CAPZB: variants seen among roughly 807,000 people sequenced by gnomAD.
The protein encoded by CAPZB is capping actin protein of muscle Z-line subunit beta.
A neutral mutation model predicts 38.1 loss-of-function variants in CAPZB; 2 were observed. The ratio of observed to expected loss-of-function variants is 0.05; its 90% CI spans 0.02 to 0.17. The LOEUF (loss-of-function observed/expected upper bound fraction) is 0.17, where lower values mean the gene tolerates loss of function less well. Among genes scored for constraint, CAPZB ranks in the 10% least tolerant of loss-of-function variants. The probability of loss-of-function intolerance (pLI) is 1.00; values close to 1 mark genes in which losing one functional copy is unlikely to be tolerated. For missense variants in CAPZB, 161 were observed against 334.2 expected (o/e 0.48, Z 4.04); for synonymous variants, 107 against 127.4 (o/e 0.84, Z 1.08).
At chr1:19,422,828 C>T (rs147085182) in intron 1 of CAPZB, among the ~76,000 whole-genome samples, 3 of 150,598 alleles carry the variant, frequency 2.0e-5, no homozygotes, top group African/African-American at 4.8e-5. Context: ...TAGCAATCCT[C>T]CTTATAAATG....
chr1:19,343,564 G>A (rs1425521365), intron 8 of CAPZB, among the ~76,000 whole-genome samples: 3 of 152,232 alleles, frequency 2.0e-5, no homozygotes, highest in Admixed American at 6.5e-5. Flanking sequence ...GAGTGCCAGA[G>A]GCCATGCAGC....
chr1:19,457,660 A>G (rs920066059), intron 1 of CAPZB, among the ~76,000 whole-genome samples: 1 of 152,226 alleles, frequency 6.6e-6, no homozygotes, highest in East Asian at 1.9e-4. Flanking sequence ...GCCCAGTGTT[A>G]ACAAAGAAGC....
intron 1 of CAPZB, among the ~76,000 whole-genome samples, chr1:19,441,113 TGCAGAAA>T (rs1285928904): frequency 1.1e-4 from 16 of 152,214 alleles, no homozygotes; most frequent in African/African-American, 3.9e-4. Flanking sequence ...TAAAACCTTA[TGCAGAAA>T]GTCCACGAAA....
At chr1:19,344,671 C>T (rs1173202514) in intron 7 of CAPZB, among the ~76,000 whole-genome samples, 1 of 152,240 alleles carries the variant, frequency 6.6e-6, no homozygotes, top group Non-Finnish European at 1.5e-5. Context: ...CAGGGATTGG[C>T]GGCCAGCTCT....
At chr1:19,442,720 T>C (rs1280386146) in intron 1 of CAPZB, among the ~76,000 whole-genome samples, 1 of 151,948 alleles carries the variant, frequency 6.6e-6, no homozygotes, top group Non-Finnish European at 1.5e-5. Context: ...AAACACAGGG[T>C]CCTCAAAAAT....
chr1:19,432,521 A>G (rs1331167702), intron 1 of CAPZB, among the ~76,000 whole-genome samples: 1 of 152,264 alleles, frequency 6.6e-6, no homozygotes, highest in East Asian at 1.9e-4. Flanking sequence ...GATCTTTATT[A>G]AGAATACTAG....
chr1:19,367,049 C>A (rs1379401248), intron 4 of CAPZB, among the ~76,000 whole-genome samples: 2 of 152,240 alleles, frequency 1.3e-5, no homozygotes, highest in Non-Finnish European at 2.9e-5. Flanking sequence ...TTCCTTTTTG[C>A]TCTGCTGGCT....
chr1:19,351,413 TC>T (rs1343339674), intron 6 of CAPZB, among the ~76,000 whole-genome samples: 1 of 152,100 alleles, frequency 6.6e-6, no homozygotes, highest in Non-Finnish European at 1.5e-5. Context: ...GCTCAAGTGA[TC>T]CTCCCATCTC....
rs1396564571 is a variant in CAPZB, at chr1:19,366,305, T to TATATATATATATATATATATAA, written c.330-8743_330-8742insTTATATATATATATATATATAT. Among the ~76,000 whole-genome samples the TATATATATATATATATATATAA allele has an allele frequency of 7.5e-4, 73 of 97,570 alleles. 1 individual carries two copies. The highest frequency in any genetic ancestry group is 3.4e-3 in the African/African-American group (72 of 21,406). 64.0% of individuals were successfully genotyped at this position (97,570 alleles called of 152,430 possible). ...TAAAATATATATATATATATATATA[T>TATATATATATATATATATATAA]ATATAAATAAAATAAATGGTCATGA... On this transcript the variant is annotated intron_variant, in intron 4 of 8. Coordinates refer to ENST00000264202, the MANE Select transcript of CAPZB (RefSeq NM_004930.5).
At chr1:19,445,472 C>T (rs1278995237) in intron 1 of CAPZB, among the ~76,000 whole-genome samples, 1 of 152,026 alleles carries the variant, frequency 6.6e-6, no homozygotes, top group South Asian at 2.1e-4. Context: ...AACATAGGCT[C>T]TCTGTAGGAA....
At chr1:19,483,638 T>C (rs1231397408) in intron 1 of CAPZB, among the ~76,000 whole-genome samples, 5 of 152,222 alleles carry the variant, frequency 3.3e-5, no homozygotes, top group African/African-American at 1.2e-4. Flanking sequence ...CGCTGCTTCC[T>C]GCCTTATACT....
rs1198715472 is a variant in CAPZB, at chr1:19,357,147, G to A, written c.471+275C>T. Among the ~76,000 whole-genome samples, 3 of 152,122 alleles carry A rather than the reference G, an allele frequency of 2.0e-5. No homozygotes were observed. The highest frequency in any genetic ancestry group is 4.8e-5 in the African/African-American group (2 of 41,402). ...CCCAAACTGCTGGGATTACAGGCCCGAGCCACCGTACCTGGCCTCACAATA... is the reference window on the plus strand; with the variant it reads ...CCCAAACTGCTGGGATTACAGGCCCAAGCCACCGTACCTGGCCTCACAATA... On this transcript the variant is annotated intron_variant, in intron 5 of 8. Transcript: ENST00000264202. This position sits in a 1 kb window ranked among gnomAD's most constrained non-coding sequence, Gnocchi z 4.3.
chr1:19,467,166 A>C (rs990851390), intron 1 of CAPZB, among the ~76,000 whole-genome samples: 4 of 152,172 alleles, frequency 2.6e-5, no homozygotes, highest in African/African-American at 7.2e-5. Flanking sequence ...GAGATCCACC[A>C]TGCCTGGCAA....
chr1:19,477,235 C>G (rs965371891), intron 1 of CAPZB, among the ~76,000 whole-genome samples: 2 of 152,162 alleles, frequency 1.3e-5, no homozygotes. Flanking sequence ...TCCTCAAGAC[C>G]AAGAATGGAC....
intron 3 of CAPZB, 31 bp from the exon 4 acceptor site, chr1:19,378,684 T>C (rs765897932): frequency 4.1e-6 from 5 of 1,222,136 alleles, no homozygotes; most frequent in Non-Finnish European, 6.0e-6. Context: ...GTATATACCA[T>C]GAATCGTTCC....
chr1:19,342,758 C>T lies in CAPZB; in HGVS notation c.731+1600G>A, dbSNP rs118112042. 5.7e-4 allele frequency: 913 copies of T among 1,604,224 alleles called. 12 individuals carry two copies. In the East Asian group the frequency reaches 0.016, roughly 27 times the overall value. On this transcript the variant is annotated intron_variant, in intron 8 of 8. Transcript: ENST00000264202. Reference sequence around the variant, plus strand: ...CGGCTCTCAGGCAGGGTACCTGGATCGGCTTAATTATCAGGCTGGATGTAG... The same window carrying T: ...CGGCTCTCAGGCAGGGTACCTGGATTGGCTTAATTATCAGGCTGGATGTAG...
intron 1 of CAPZB, among the ~76,000 whole-genome samples, chr1:19,431,406 G>C (rs186006202): frequency 6.4e-4 from 97 of 152,248 alleles, no homozygotes; most frequent in Non-Finnish European, 2.8e-4. Context: ...TTTAAGAATA[G>C]AGTTGATTTT....
intron 2 of CAPZB, among the ~76,000 whole-genome samples, chr1:19,416,888 A>AAAAAAAAAT (rs2094382242): frequency 3.5e-5 from 5 of 144,030 alleles, no homozygotes; most frequent in Non-Finnish European, 7.5e-5. Context: ...AAAAAAAAAA[A>AAAAAAAAAT]GTATGCTCTG....
At chr1:19,394,961 C>T (rs535586251) in intron 2 of CAPZB, among the ~76,000 whole-genome samples, 1 of 152,258 alleles carries the variant, frequency 6.6e-6, no homozygotes, top group Admixed American at 6.5e-5. Flanking sequence ...CCACAGCTCC[C>T]CACAAGCCCT....
Sources: allele counts gnomAD v4.1 joint callset (sites outside exome capture counted in the v4.1 genomes callset), GRCh38; gene constraint gnomAD v4.1.1; non-coding constraint Gnocchi (gnomAD v3.1); transcripts MANE v1.5; gene names NCBI Gene and HGNC (gene_info 2026-07-23, HGNC 2026-07-21).